CCDC91: variants seen among roughly 807,000 people sequenced by gnomAD.
CCDC91 encodes the protein coiled-coil domain-containing protein 91.
CCDC91 carries 48 observed loss-of-function variants against 63.2 expected under a neutral mutation model. The ratio of observed to expected loss-of-function variants is 0.76; its 90% CI spans 0.60 to 0.97. CCDC91 has a LOEUF of 0.97. CCDC91 is among the 50% of genes least tolerant of loss of function. CCDC91 has a pLI of 0.00. For missense variants in CCDC91, 500 were observed against 494.6 expected, an observed-to-expected ratio of 1.01 and a Z score of -0.10; for synonymous variants, 167 against 165.8, an observed-to-expected ratio of 1.01 and a Z score of -0.06.
intron 1 of CCDC91, among the ~76,000 whole-genome samples, chr12:28,251,206 C>T (rs984752813): frequency 7.2e-5 from 11 of 151,900 alleles, no homozygotes; most frequent in Middle Eastern, 6.8e-3. Context: ...TATTTGGGGA[C>T]GATCAGATAA....
At chr12:28,192,612 G>A (rs1420253117) in intron 1 of CCDC91, among the ~76,000 whole-genome samples, 1 of 152,014 alleles carries the variant, frequency 6.6e-6, no homozygotes, top group Non-Finnish European at 1.5e-5. Context: ...ATTTACTAAC[G>A]ATAAATTAAT....
At chr12:28,430,739 T>A (rs1370662626) in intron 8 of CCDC91, among the ~76,000 whole-genome samples, 1 of 152,166 alleles carries the variant, frequency 6.6e-6, no homozygotes, top group East Asian at 1.9e-4. Context: ...TTTCTAGACA[T>A]CTTTATGTCA....
Position 28,306,769 on chromosome 12 carries a change from G to T in CCDC91, c.295G>T (p.Asp99Tyr). The T allele has an allele frequency of 6.2e-7, 1 of 1,611,106 alleles. No homozygotes were observed. Among genetic ancestry groups the T allele is most frequent in the Non-Finnish European group, 8.5e-7 (1 of 1,178,264 alleles). Residue 99 changes from aspartate to tyrosine, a missense_variant, in exon 5 of 13, where the codon GAT (aspartate) becomes TAT (tyrosine). Physicochemically the swap from Asp to Tyr is radical, Grantham distance 160. Coordinates refer to ENST00000536442, the MANE Select transcript of CCDC91 (RefSeq NM_018318.5). ...QIQQSTHTHL[D>Y]ISLFPLGLTD... ...TCAGCAATCAACACACACTCATCTGGATATCTCACTTTTTCCATTGGGTTT... is the reference window on the plus strand; with the variant it reads ...TCAGCAATCAACACACACTCATCTGTATATCTCACTTTTTCCATTGGGTTT...
At chr12:28,341,414 A>G (rs559474983) in intron 6 of CCDC91, among the ~76,000 whole-genome samples, 1 of 152,132 alleles carries the variant, frequency 6.6e-6, no homozygotes, top group African/African-American at 2.4e-5. Context: ...TCACTTTGAT[A>G]CTAACTCTTC....
intron 12 of CCDC91, among the ~76,000 whole-genome samples, chr12:28,490,176 C>G (rs1202617038): frequency 6.6e-6 from 1 of 151,844 alleles, no homozygotes; most frequent in Non-Finnish European, 1.5e-5. Context: ...CCTAATTACT[C>G]TTGCTTCTAT....
At chr12:28,240,874 A>G (rs1423850784) in intron 1 of CCDC91, among the ~76,000 whole-genome samples, 1 of 152,180 alleles carries the variant, frequency 6.6e-6, no homozygotes, top group African/African-American at 2.4e-5. Context: ...TTTTCCTGGG[A>G]TAAATACCTA....
At chr12:28,479,897 CTATG>C (rs1385149928) in intron 11 of CCDC91, among the ~76,000 whole-genome samples, 5 of 151,976 alleles carry the variant, frequency 3.3e-5, no homozygotes, top group African/African-American at 7.2e-5. Flanking sequence ...GCAAGGATGA[CTATG>C]TATGAGATTA....
intron 8 of CCDC91, among the ~76,000 whole-genome samples, chr12:28,437,006 G>A (rs1347527626): frequency 6.6e-6 from 1 of 151,108 alleles, no homozygotes; most frequent in Non-Finnish European, 1.5e-5. Flanking sequence ...GGAATGCAGT[G>A]GTGCAGTCTC....
chr12:28,392,543 T>C (rs1218447284), intron 8 of CCDC91, among the ~76,000 whole-genome samples: 1 of 152,196 alleles, frequency 6.6e-6, no homozygotes, highest in Non-Finnish European at 1.5e-5. Context: ...TCGATTTCAA[T>C]TTATATCCAC....
intron 8 of CCDC91, among the ~76,000 whole-genome samples, chr12:28,404,437 G>A (rs541374425): frequency 4.6e-5 from 7 of 152,084 alleles, no homozygotes; most frequent in South Asian, 2.1e-4. Context: ...GTTAGAAAAT[G>A]TTACATGTGA....
At chr12:28,449,819 G>A (rs1949711516) in intron 8 of CCDC91, among the ~76,000 whole-genome samples, 1 of 151,668 alleles carries the variant, frequency 6.6e-6, no homozygotes, top group African/African-American at 2.4e-5. Context: ...TGCTTCTGTT[G>A]CTGCAAGCTA....
chr12:28,240,197 A>G (rs115455437), intron 1 of CCDC91, among the ~76,000 whole-genome samples: 51 of 152,226 alleles, frequency 3.4e-4, no homozygotes, highest in African/African-American at 1.2e-3. Context: ...TACGCTTTCT[A>G]ATAGTTTCCT....
At chr12:28,395,660 A>C (rs1441338544) in intron 8 of CCDC91, among the ~76,000 whole-genome samples, 5 of 152,206 alleles carry the variant, frequency 3.3e-5, no homozygotes, top group Admixed American at 2.0e-4. Flanking sequence ...TGGAATTTTC[A>C]GGGTGATAAG....
At chr12:28,241,843 A>G (rs1945358230) in intron 1 of CCDC91, among the ~76,000 whole-genome samples, 1 of 151,914 alleles carries the variant, frequency 6.6e-6, no homozygotes, top group Admixed American at 6.6e-5. Context: ...TAAAATTACA[A>G]AAATTAGCTG....
chr12:28,460,421 G>C (rs1406090477), intron 11 of CCDC91, among the ~76,000 whole-genome samples: 1 of 152,138 alleles, frequency 6.6e-6, no homozygotes, highest in Non-Finnish European at 1.5e-5. Context: ...AAGGAGTAAA[G>C]AGGGTTAGAT....
intron 1 of CCDC91, among the ~76,000 whole-genome samples, chr12:28,246,712 A>C (rs1945761643): frequency 6.6e-6 from 1 of 152,186 alleles, no homozygotes; most frequent in Non-Finnish European, 1.5e-5. Flanking sequence ...AGTTTTCAAG[A>C]AATAGTGATA....
chr12:28,239,605 GA>G (rs1945197844), intron 1 of CCDC91, among the ~76,000 whole-genome samples: 1 of 152,068 alleles, frequency 6.6e-6, no homozygotes, highest in Non-Finnish European at 1.5e-5. Flanking sequence ...TATATGCTAG[GA>G]AATATAATAA....
chr12:28,419,863 C>A (rs1168714356), intron 8 of CCDC91, among the ~76,000 whole-genome samples: 1 of 151,606 alleles, frequency 6.6e-6, no homozygotes, highest in Non-Finnish European at 1.5e-5. Flanking sequence ...CTCAAGCTAT[C>A]CTAACACCTA....
At chr12:28,460,874 A>T (rs1950274010) in intron 11 of CCDC91, among the ~76,000 whole-genome samples, 1 of 151,920 alleles carries the variant, frequency 6.6e-6, no homozygotes, top group Non-Finnish European at 1.5e-5. Context: ...GAAAATTTTT[A>T]GCTCACTGCT....
Sources: gnomAD v4.1 joint callset for allele counts (sites outside exome capture counted in the v4.1 genomes callset) on GRCh38, gnomAD v4.1.1 for gene constraint, MANE v1.5 for transcripts, NCBI Gene and HGNC (gene_info 2026-07-23, HGNC 2026-07-21) for gene names.